FKBP6: variants seen among roughly 807,000 people sequenced by gnomAD.
FKBP6 encodes the protein inactive peptidyl-prolyl cis-trans isomerase FKBP6.
FKBP6 carries 29 observed loss-of-function variants against 41.7 expected under a neutral mutation model. The observed-to-expected ratio is 0.70, with a 90% CI of 0.52 to 0.95. FKBP6 has a LOEUF of 0.95. FKBP6 is among the 40% of genes least tolerant of loss of function. The probability of loss-of-function intolerance (pLI) is 0.00; values close to 1 mark genes in which losing one functional copy is unlikely to be tolerated. For missense variants in FKBP6, 338 were observed against 408.7 expected (o/e 0.83, Z 1.49); for synonymous variants, 130 against 165.1 (o/e 0.79, Z 1.63).
intron 8 of FKBP6, among the ~76,000 whole-genome samples, chr7:73,356,705 A>T (rs1554551993): frequency 6.6e-6 from 1 of 152,242 alleles, no homozygotes; most frequent in Non-Finnish European, 1.5e-5. Flanking sequence ...GAGTTCTATC[A>T]GCAGTTTCAC....
chr7:73,354,374 G>A (rs1186453808), intron 8 of FKBP6, among the ~76,000 whole-genome samples: 1 of 152,218 alleles, frequency 6.6e-6, no homozygotes, highest in Non-Finnish European at 1.5e-5. Flanking sequence ...TGGAGTGGCC[G>A]CCAGAGAGCC....
At chr7:73,346,673 G>A (rs552705826) in intron 8 of FKBP6, among the ~76,000 whole-genome samples, 5 of 152,306 alleles carry the variant, frequency 3.3e-5, no homozygotes, top group Admixed American at 2.0e-4. Context: ...GGACCATCAG[G>A]TGGCAGGTGT....
At chr7:73,328,754 G>C in intron 2 of FKBP6, 62 bp downstream of exon 2, 1 of 1,611,668 alleles carries the variant, frequency 6.2e-7, no homozygotes, top group Middle Eastern at 2.3e-4. Context: ...GGAAGAGAGA[G>C]GCCTCATTTT....
In FKBP6 at chr7:73,357,271, T is replaced by G. The variant is rs1583830689; in HGVS notation, c.*3-910T>G. Among the ~76,000 whole-genome samples, 6 of 101,370 alleles carry G rather than the reference T, an allele frequency of 5.9e-5. No homozygotes were observed. The South Asian group carries it at 1.7e-3, about 28-fold the overall frequency. The allele number at this position is 101,370 out of a possible 152,430, so 66.5% of individuals were successfully genotyped here. A position where few individuals can be genotyped will look rare whatever the true frequency, so the allele number is the denominator to read the frequency against. ...TTTGTTTGTTTTTGTTTGGTTTGGT[T>G]TTTTTTTTTTTTTTTTTTTTTGAGA... On this transcript the variant is annotated intron_variant, in intron 8 of 8. Coordinates refer to ENST00000252037, the MANE Select transcript of FKBP6 (RefSeq NM_003602.5).
At chr7:73,329,834 G>T in intron 3 of FKBP6, 1 of 529,238 alleles carries the variant, frequency 1.9e-6, no homozygotes, top group South Asian at 2.1e-5. Flanking sequence ...CAGCTCACTT[G>T]GTAGAATCGG....
intron 8 of FKBP6, among the ~76,000 whole-genome samples, chr7:73,344,648 A>C (rs1336983361): frequency 1.3e-5 from 2 of 152,010 alleles, no homozygotes; most frequent in Non-Finnish European, 2.9e-5. Flanking sequence ...GCAATGGCAC[A>C]ATCTTGGCTC....
Position 73,330,296 on chromosome 7 carries a change from G to A in FKBP6, c.412G>A (p.Glu138Lys), listed in dbSNP as rs1804797542. Residue 138 changes from glutamate (E) to lysine (K), a missense_variant, in exon 4 of 9, where the codon GAG (glutamate) becomes AAG (lysine). By Grantham distance (56) the Glu-to-Lys change is moderately conservative (BLOSUM62 1). This residue lies in a region of FKBP6 where 239 missense variants were observed against 250.1 expected (regional missense o/e 0.96). Coordinates refer to ENST00000252037, the MANE Select transcript of FKBP6 (RefSeq NM_003602.5). Reference sequence around the variant, plus strand: ...AAACACCACTGTCCTGTTTGAGATTGAGCTGCTTGACTTCCTGGACTGTGC... The same window carrying A: ...AAACACCACTGTCCTGTTTGAGATTAAGCTGCTTGACTTCCTGGACTGTGC... ...PPNTTVLFEI[E>K]LLDFLDCAES... 6.2e-7 allele frequency: 1 copy of A among 1,614,044 alleles called. No individual in the cohort carries two copies. The highest frequency in any genetic ancestry group is 1.7e-5 in the Admixed American group (1 of 60,006).
At chr7:73,341,160 T>C (rs934231164) in intron 6 of FKBP6, 113 bp from the exon 7 acceptor site, 8 of 817,768 alleles carry the variant, frequency 9.8e-6, no homozygotes, top group East Asian at 2.4e-5. Context: ...CTGACCTCAG[T>C]TGATCCGCCC....
At chr7:73,341,484 A>G (rs1205854696) in intron 7 of FKBP6, 102 bp downstream of exon 7, 10 of 829,072 alleles carry the variant, frequency 1.2e-5, no homozygotes, top group East Asian at 7.4e-5. Flanking sequence ...GGTGTTGCCC[A>G]GAGTGTTAGG....
At chr7:73,336,652 G>A (rs1405684406) in intron 5 of FKBP6, 9 of 430,852 alleles carry the variant, frequency 2.1e-5, no homozygotes, top group Non-Finnish European at 4.2e-5. Context: ...ACAAACAGGG[G>A]TCCACCTCCC....
chr7:73,354,902 C>G (rs942627740), intron 8 of FKBP6, among the ~76,000 whole-genome samples: 4 of 152,186 alleles, frequency 2.6e-5, no homozygotes, highest in Non-Finnish European at 4.4e-5. Context: ...ACACGACACC[C>G]ACCGCCACCG....
intron 8 of FKBP6, among the ~76,000 whole-genome samples, chr7:73,343,691 G>A (rs1805259802): frequency 1.3e-5 from 2 of 152,144 alleles, no homozygotes; most frequent in Admixed American, 1.3e-4. Context: ...AAGCACATGA[G>A]ATAACCCTCC....
chr7:73,328,802 A>G, intron 2 of FKBP6, 110 bp downstream of exon 2: 1 of 1,595,718 alleles, frequency 6.3e-7, no homozygotes, highest in Non-Finnish European at 8.6e-7. Context: ...GCTTTGTTTG[A>G]AGTGGATTTT....
intron 5 of FKBP6, among the ~76,000 whole-genome samples, chr7:73,340,019 T>G (rs1485974122): frequency 6.6e-6 from 1 of 152,254 alleles, no homozygotes; most frequent in Non-Finnish European, 1.5e-5. Flanking sequence ...ATTACCATCT[T>G]AATATTGTCT....
At chr7:73,357,699 A>T (rs115765710) in intron 8 of FKBP6, among the ~76,000 whole-genome samples, 17 of 152,056 alleles carry the variant, frequency 1.1e-4, no homozygotes, top group African/African-American at 4.1e-4. Flanking sequence ...GTAGGGAGGA[A>T]AGAGAAGGGA....
intron 7 of FKBP6, among the ~76,000 whole-genome samples, 182 bp downstream of exon 7, chr7:73,341,564 C>T (rs2115901412): frequency 6.6e-6 from 1 of 152,006 alleles, no homozygotes; most frequent in East Asian, 1.9e-4. Context: ...TCCCAGCAAG[C>T]AGGTGAGACA....
chr7:73,355,302 A>G (rs1182961548), intron 8 of FKBP6, among the ~76,000 whole-genome samples: 3 of 152,230 alleles, frequency 2.0e-5, no homozygotes, highest in African/African-American at 4.8e-5. Flanking sequence ...CCACGGATAC[A>G]GCTTTTTTCT....
chr7:73,328,452 G>C lies in FKBP6; in HGVS notation c.24G>C (p.Gln8His). 6.4e-7 allele frequency: 1 copy of C among 1,554,470 alleles called. No individual in the cohort carries two copies. The highest frequency in any genetic ancestry group is 2.4e-5 in the East Asian group (1 of 41,984). Residue 8 changes from glutamine to histidine, a missense_variant, in exon 1 of 9, where the codon CAG (glutamine) becomes CAC (histidine). Gln to His is a conservative substitution (Grantham distance 24). Transcript: ENST00000252037. Reference sequence around the variant, plus strand: ...ACATGGGGGGAAGCGCGTTAAACCAGGGAGTCCTGGAAGGGGACGACGCCC... The same window carrying C: ...ACATGGGGGGAAGCGCGTTAAACCACGGAGTCCTGGAAGGGGACGACGCCC... The part of the protein sequence containing the change: MGGSALN[Q>H]GVLEGDDAPG...
At chr7:73,340,608 C>G (rs1554549287) in intron 5 of FKBP6, 30 bp from the exon 6 acceptor site, 1 of 1,593,562 alleles carries the variant, frequency 6.3e-7, no homozygotes, top group Admixed American at 1.7e-5. Flanking sequence ...ACTGTTACTC[C>G]TCTTGACCAT....
Sources: gnomAD v4.1 joint callset for allele counts (sites outside exome capture counted in the v4.1 genomes callset) on GRCh38, gnomAD v4.1.1 for gene constraint, gnomAD v4.1.1 regional missense constraint, MANE v1.5 for transcripts, NCBI Gene and HGNC (gene_info 2026-07-23, HGNC 2026-07-21) for gene names.